The following CEP95 variants were observed in gnomAD, a reference collection of about 807,000 sequenced individuals.
CEP95 encodes centrosomal protein of 95 kDa.
CEP95 carries 98 observed loss-of-function variants against 111.2 expected under a neutral mutation model. That is an observed-to-expected ratio of 0.88 (90% CI 0.75 to 1.04). CEP95 has a LOEUF of 1.04. Ranked by LOEUF, CEP95 falls within the 50% of genes least tolerant of loss-of-function variation. The probability of loss-of-function intolerance (pLI) is 0.00; values close to 1 mark genes in which losing one functional copy is unlikely to be tolerated. For missense variants in CEP95, 1,027 were observed against 977.2 expected, an observed-to-expected ratio of 1.05 and a Z score of -0.68; for synonymous variants, 323 against 327.1, an observed-to-expected ratio of 0.99 and a Z score of 0.14.
intron 11 of CEP95, among the ~76,000 whole-genome samples, chr17:64,527,789 T>C (rs1237771910): frequency 6.6e-6 from 1 of 151,764 alleles, no homozygotes; most frequent in Non-Finnish European, 1.5e-5. Flanking sequence ...TGTGGGTATA[T>C]GTATAGCAGT....
rs200882133 is a variant in CEP95, at chr17:64,537,018, GT to G, written c.2218-15del. The G allele has an allele frequency of 2.9e-5, 46 of 1,579,548 alleles. 1 individual carries two copies. In the South Asian group the frequency reaches 4.7e-4, roughly 16 times the overall value. ...ACTACAAACATTAAATATAATATTT[GT>G]TTTTTTTCTTCCTATAAACAGTTTT... On this transcript the variant is annotated intron_variant, in intron 18 of 19. Transcript: ENST00000556440.
Position 64,525,850 on chromosome 17 carries a change from GC to G in CEP95, c.992del (p.Pro331LeufsTer33). ...WEVYPAQVQG[P>X]RTRKPPKGKR... ...AAGTATATCCAGCTCAGGTCCAAGG[GC>G]CTAGGACAAGGAAGCCTCCCAAAGG... On this transcript the variant is annotated frameshift_variant, in exon 9 of 20. Transcript: ENST00000556440. LOFTEE classifies it high-confidence loss of function. 6.3e-7 allele frequency: 1 copy of G among 1,584,586 alleles called. No individual in the cohort carries two copies. The highest frequency in any genetic ancestry group is 1.2e-5 in the South Asian group (1 of 85,446).
At chr17:64,531,063 A>C in intron 13 of CEP95, 45 bp downstream of exon 13, 1 of 1,107,190 alleles carries the variant, frequency 9.0e-7, no homozygotes, top group Non-Finnish European at 1.3e-6. Flanking sequence ...TGATCAGATG[A>C]GTGGGAAGTA....
rs782557761 is a variant in CEP95 at position 64,510,287 on chromosome 17, A to G, written c.256+7A>G. The G allele has an allele frequency of 1.8e-5, 27 of 1,497,176 alleles. No individual in the cohort carries two copies. The highest frequency in any genetic ancestry group is 9.1e-5 in the East Asian group (4 of 44,188). The allele number at this position is 1,497,176 out of a possible 1,614,324, so 92.7% of individuals were successfully genotyped here. ...AGCTTGTCTCACATAACAGGTTGGT[A>G]TATGTATAACTATCACATAATTATG... On this transcript the variant is annotated splice_region_variant and intron_variant, in intron 3 of 19. Transcript: ENST00000556440.
chr17:64,514,808 G>A, intron 4 of CEP95: 1 of 194,992 alleles, frequency 5.1e-6, no homozygotes, highest in African/African-American at 2.3e-5. Flanking sequence ...ATTGCAAAAA[G>A]TGAAAGAACT....
rs184094387 is a variant in CEP95 at position 64,519,387 on chromosome 17, A to G, written c.540A>G (p.Glu180=). The G allele has an allele frequency of 2.5e-6, 4 of 1,613,878 alleles. No homozygotes were observed. The African/African-American group carries it at 4.0e-5, about 16-fold the overall frequency. ...GAGATGAAGCAGAATCCACTGGTGAAATCATTAGACTTGGAGACACAGCAC... is the reference window on the plus strand; with the variant it reads ...GAGATGAAGCAGAATCCACTGGTGAGATCATTAGACTTGGAGACACAGCAC... ...WDGDEAESTG[E]IIRLGDTAHT... is the part of the protein sequence containing the mutation. Residue 180 remains glutamate, a synonymous_variant, in exon 6 of 20, where the codon GAA becomes GAG. Transcript: ENST00000556440.
intron 1 of CEP95, 127 bp from the exon 2 acceptor site, chr17:64,508,465 A>G: frequency 8.5e-7 from 1 of 1,182,098 alleles, no homozygotes; most frequent in South Asian, 4.0e-5. Flanking sequence ...TAACAATCAA[A>G]TTCCTTATCT....
chr17:64,536,703 C>A lies in CEP95; in HGVS notation c.2172C>A (p.Arg724=). Residue 724 remains arginine, a synonymous_variant, in exon 18 of 20, where the codon CGC becomes CGA. Transcript: ENST00000556440. ...AKEKRDEQRR[R]HQDELDSMEN... ...AAAAGCGAGATGAACAAAGGAGACGCCACCAGGATGAACTGGACTCCATGG... is the reference window on the plus strand; with the variant it reads ...AAAAGCGAGATGAACAAAGGAGACGACACCAGGATGAACTGGACTCCATGG... 6.2e-7 allele frequency: 1 copy of A among 1,612,728 alleles called. No homozygotes were observed. Among genetic ancestry groups the A allele is most frequent in the Non-Finnish European group, 8.5e-7 (1 of 1,179,520 alleles).
chr17:64,509,184 C>T (rs2038756137), intron 2 of CEP95, among the ~76,000 whole-genome samples: 3 of 152,056 alleles, frequency 2.0e-5, no homozygotes. Flanking sequence ...CCTCATTTAC[C>T]AAGACAGTTA....
At chr17:64,522,494 A>G (rs558042229) in intron 7 of CEP95, among the ~76,000 whole-genome samples, 4 of 149,740 alleles carry the variant, frequency 2.7e-5, no homozygotes, top group African/African-American at 9.8e-5. Flanking sequence ...TTAAAAATTA[A>G]AAAAAAAAAA....
intron 12 of CEP95, 70 bp from the exon 13 acceptor site, chr17:64,530,856 C>A: frequency 1.2e-6 from 1 of 837,416 alleles, no homozygotes; most frequent in Non-Finnish European, 1.8e-6. Context: ...GTGCTTTAAC[C>A]AGCTAAGCCA....
chr17:64,536,818 T>C, intron 18 of CEP95, 70 bp downstream of exon 18: 1 of 1,511,398 alleles, frequency 6.6e-7, no homozygotes, highest in Non-Finnish European at 8.9e-7. Flanking sequence ...CAAAACTTGC[T>C]TAGTCTGTTG....
Position 64,526,158 on chromosome 17 carries a change from T to A in CEP95, c.1110T>A (p.Asp370Glu). The A allele has an allele frequency of 1.2e-6, 2 of 1,613,432 alleles. No homozygotes were observed. Among genetic ancestry groups the A allele is most frequent in the Non-Finnish European group, 1.7e-6 (2 of 1,179,712 alleles). Residue 370 changes from aspartate to glutamate, a missense_variant, in exon 10 of 20, where the codon GAT becomes GAA. Coordinates refer to ENST00000556440, the MANE Select transcript of CEP95 (RefSeq NM_138363.3). ...RKRLTEQELH[D>E]VSEKLSQRLS... ...GATTAACAGAACAAGAATTACATGATGTATCAGAAAAACTCTCTCAGCGGC... is the reference window on the plus strand; with the variant it reads ...GATTAACAGAACAAGAATTACATGAAGTATCAGAAAAACTCTCTCAGCGGC...
At chr17:64,532,697 T>C (rs1968363842) in intron 14 of CEP95, 142 bp from the exon 15 acceptor site, 4 of 1,443,816 alleles carry the variant, frequency 2.8e-6, no homozygotes, top group Middle Eastern at 2.5e-4. Context: ...AGAGGAGTAA[T>C]GCAAATTATT....
intron 17 of CEP95, 65 bp from the exon 18 acceptor site, chr17:64,536,537 A>C: frequency 2.6e-6 from 3 of 1,175,018 alleles, no homozygotes; most frequent in Non-Finnish European, 3.7e-6. Context: ...TACAATCAGT[A>C]TATACCTCTA....
At chr17:64,531,084 C>A in intron 13 of CEP95, 66 bp downstream of exon 13, 1 of 948,484 alleles carries the variant, frequency 1.1e-6, no homozygotes, top group Non-Finnish European at 1.5e-6. Context: ...CAAAGATGAT[C>A]TTTTTAAAAG....
chr17:64,522,545 T>C (rs1422199218), intron 7 of CEP95, among the ~76,000 whole-genome samples, 157 bp from the exon 8 acceptor site: 1 of 152,198 alleles, frequency 6.6e-6, no homozygotes, highest in Non-Finnish European at 1.5e-5. Flanking sequence ...GCTGAGGCTA[T>C]ATCCCTGGTT....
At chr17:64,509,813 A>G (rs534022607) in intron 2 of CEP95, among the ~76,000 whole-genome samples, 1 of 151,934 alleles carries the variant, frequency 6.6e-6, no homozygotes, top group African/African-American at 2.4e-5. Context: ...TGGCTCCCTT[A>G]TTAGACTATT....
At chr17:64,530,506 ATTT>A (rs55675645) in intron 12 of CEP95, among the ~76,000 whole-genome samples, 1 of 118,536 alleles carries the variant, frequency 8.4e-6, no homozygotes. Flanking sequence ...CCTCTTTTGT[ATTT>A]TTTTTTTTTT....
Sources: allele counts gnomAD v4.1 joint callset (sites outside exome capture counted in the v4.1 genomes callset), GRCh38; gene constraint gnomAD v4.1.1; transcripts MANE v1.5; gene names NCBI Gene and HGNC (gene_info 2026-07-23, HGNC 2026-07-21).